Variants in NCKAP1 observed in about 807,000 individuals in gnomAD.
NCKAP1 encodes NCK associated protein 1.
A neutral mutation model predicts 151.2 loss-of-function variants in NCKAP1; 21 were observed. The ratio of observed to expected loss-of-function variants is 0.14; its 90% confidence interval spans 0.10 to 0.20. The LOEUF (loss-of-function observed/expected upper bound fraction) is 0.20, where lower values mean the gene tolerates loss of function less well. Among genes scored for constraint, NCKAP1 ranks in the 10% least tolerant of loss-of-function variants. The pLI is 1.00. For missense variants in NCKAP1, 933 were observed against 1,352.1 expected (o/e 0.69, Z 4.86); for synonymous variants, 484 against 451.8 (o/e 1.07, Z -0.90).
intron 2 of NCKAP1, among the ~76,000 whole-genome samples, chr2:183,011,146 A>T (rs1247851672): frequency 6.6e-6 from 1 of 152,184 alleles, no homozygotes; most frequent in African/African-American, 2.4e-5. Flanking sequence ...CTTTTAACGT[A>T]CAGTGTGTTA....
chr2:182,956,342 G>A, intron 20 of NCKAP1, 120 bp downstream of exon 20: 1 of 1,314,836 alleles, frequency 7.6e-7, no homozygotes, highest in Non-Finnish European at 1.0e-6. Flanking sequence ...GCCCGGCCCG[G>A]TTCATTATTC....
chr2:182,952,520 T>A lies in NCKAP1; in HGVS notation c.2504-18A>T. 1 of 1,524,804 alleles carries A rather than the reference T, an allele frequency of 6.6e-7. No homozygotes were observed. The highest frequency in any genetic ancestry group is 9.0e-7 in the Non-Finnish European group (1 of 1,111,668). 94.5% of individuals were successfully genotyped at this position (1,524,804 alleles called of 1,614,324 possible). ...CCTCATTTCTGAAAGAAAACATACT[T>A]AATTTTATACTTCCGACAGAGCAAA... is the stretch of plus-strand genomic sequence containing the variant. On this transcript the variant is annotated intron_variant, in intron 22 of 30. Coordinates refer to ENST00000361354, the MANE Select transcript of NCKAP1 (RefSeq NM_013436.5).
chr2:183,013,882 T>C (rs1292269567), intron 2 of NCKAP1, among the ~76,000 whole-genome samples: 2 of 152,154 alleles, frequency 1.3e-5, no homozygotes, highest in African/African-American at 4.8e-5. Context: ...CCTGAGCCTT[T>C]GGAGCTGCGG....
In NCKAP1 at chr2:182,923,023, G is replaced by A. The variant is rs144802583; in HGVS notation, c.*2679C>T. On this transcript the variant is annotated 3_prime_UTR_variant, in exon 31 of 31. Transcript: ENST00000361354. ...AGTGAAACTCCGTCTCAAGAAGCTG[G>A]TTTGTTTATTGTATACCATCACTAA... The A allele has an allele frequency of 4.3e-4, 66 of 152,178 alleles. No individual in the cohort carries two copies. Among genetic ancestry groups the A allele is most frequent in the African/African-American group, 1.5e-3 (62 of 41,528 alleles). The allele number at this position is 152,178 out of a possible 1,614,324, so 9.4% of individuals were successfully genotyped here.
intron 1 of NCKAP1, among the ~76,000 whole-genome samples, chr2:183,034,270 A>C (rs1227494188): frequency 6.6e-6 from 1 of 152,154 alleles, no homozygotes; most frequent in Non-Finnish European, 1.5e-5. Context: ...CAAAATAATG[A>C]GAAAAGGATA....
intron 28 of NCKAP1, among the ~76,000 whole-genome samples, chr2:182,928,533 C>T (rs1405457100): frequency 6.6e-6 from 1 of 151,998 alleles, no homozygotes; most frequent in African/African-American, 2.4e-5. Context: ...TGCTTTACAA[C>T]ATTTTACCAT....
At chr2:183,023,739 C>T in intron 2 of NCKAP1, 67 bp downstream of exon 2, 6 of 1,254,628 alleles carry the variant, frequency 4.8e-6, no homozygotes, top group Admixed American at 3.5e-5. Context: ...ACTATAAGCA[C>T]TGTGTTGACC....
intron 30 of NCKAP1, among the ~76,000 whole-genome samples, chr2:182,926,148 ACT>A (rs1020310760): frequency 6.6e-6 from 1 of 151,990 alleles, no homozygotes; most frequent in Non-Finnish European, 1.5e-5. Flanking sequence ...TGTACTATCA[ACT>A]CTACCTGGCA....
rs537508343 is a variant in NCKAP1 at position 182,997,180 on chromosome 2, T to C, written c.604-1342A>G. Among the ~76,000 whole-genome samples the C allele has an allele frequency of 3.3e-5, 5 of 152,360 alleles. No homozygotes were observed. The South Asian group carries it at 1.0e-3, about 32-fold the overall frequency. ...CTAGCTAAGAGTCTGTCAACCTTAT[T>C]GGCAATCCTTTCAAAAAACTAACTT... On this transcript the variant is annotated intron_variant, in intron 6 of 30. Coordinates refer to ENST00000361354, the MANE Select transcript of NCKAP1 (RefSeq NM_013436.5).
At chr2:182,928,597 ACATT>A (rs1696695799) in intron 28 of NCKAP1, among the ~76,000 whole-genome samples, 182 bp downstream of exon 28, 1 of 152,096 alleles carries the variant, frequency 6.6e-6, no homozygotes, top group African/African-American at 2.4e-5. Flanking sequence ...ACCTCTACAC[ACATT>A]CAGGCACACA....
intron 2 of NCKAP1, among the ~76,000 whole-genome samples, chr2:183,014,702 T>C (rs1181667593): frequency 6.6e-6 from 1 of 152,240 alleles, no homozygotes; most frequent in Non-Finnish European, 1.5e-5. Context: ...ATTTTCAATC[T>C]TGGCAATTAA....
intron 1 of NCKAP1, among the ~76,000 whole-genome samples, chr2:183,026,066 T>A (rs772317711): frequency 6.6e-6 from 1 of 152,202 alleles, no homozygotes; most frequent in South Asian, 2.1e-4. Flanking sequence ...CAAACAAGTA[T>A]GTGTGTGCGT....
chr2:182,952,303 G>T (rs1489186572), intron 23 of NCKAP1, 102 bp downstream of exon 23: 1 of 691,752 alleles, frequency 1.4e-6, no homozygotes, highest in Non-Finnish European at 2.3e-6. Flanking sequence ...GTACTTTCAT[G>T]TTGGATTAAA....
chr2:182,996,524 C>T (rs1307757577), intron 6 of NCKAP1, among the ~76,000 whole-genome samples: 1 of 152,138 alleles, frequency 6.6e-6, no homozygotes, highest in Admixed American at 6.5e-5. Context: ...GTGGTGCGAT[C>T]TCAGCTCACT....
intron 6 of NCKAP1, among the ~76,000 whole-genome samples, chr2:183,001,453 C>T (rs889721150): frequency 6.6e-6 from 1 of 152,032 alleles, no homozygotes; most frequent in African/African-American, 2.4e-5. Flanking sequence ...TCATAAAACC[C>T]GTCATTTTTT....
At chr2:183,005,042 G>A (rs183999709) in intron 2 of NCKAP1, among the ~76,000 whole-genome samples, 200 of 152,090 alleles carry the variant, frequency 1.3e-3, no homozygotes, top group African/African-American at 4.0e-3. Flanking sequence ...GTTTCAGAAC[G>A]ATTCCATGTT....
At chr2:182,976,563 C>G (rs1365398131) in intron 15 of NCKAP1, among the ~76,000 whole-genome samples, 4 of 152,132 alleles carry the variant, frequency 2.6e-5, no homozygotes, top group African/African-American at 9.7e-5. Flanking sequence ...TGCTGATGCC[C>G]ACAGTAGATT....
chr2:182,952,980 T>C (rs892413430), intron 21 of NCKAP1, 57 bp from the exon 22 acceptor site: 26 of 1,532,602 alleles, frequency 1.7e-5, no homozygotes, highest in Non-Finnish European at 2.1e-5. Flanking sequence ...GAATGTATCA[T>C]GATATACATT....
In NCKAP1 at chr2:183,023,829, C is replaced by T. The variant is rs1698839764; in HGVS notation, c.196G>A (p.Ala66Thr). ...AVKFIVRKFP[A>T]VETRNNNQQL... ...ACATTGTTGTTGCGGGTTTCTACAG[C>T]AGGGAATTTTCTGACTATGAATTTC... Residue 66 changes from alanine (A) to threonine (T), a missense_variant, in exon 2 of 31, where the codon GCT becomes ACT. Ala to Thr is a moderately conservative substitution (Grantham distance 58). Coordinates refer to ENST00000361354, the MANE Select transcript of NCKAP1 (RefSeq NM_013436.5). 8.7e-6 allele frequency: 14 copies of T among 1,612,320 alleles called. No individual in the cohort carries two copies. The highest frequency in any genetic ancestry group is 1.1e-5 in the Non-Finnish European group (13 of 1,178,796).
Sources: allele counts gnomAD v4.1 joint callset (sites outside exome capture counted in the v4.1 genomes callset), GRCh38; gene constraint gnomAD v4.1.1; transcripts MANE v1.5; gene names NCBI Gene and HGNC (gene_info 2026-07-23, HGNC 2026-07-21).